The following BPGM variants were observed in gnomAD, a reference collection of about 807,000 sequenced individuals.
BPGM encodes the protein 2,3-bisphosphoglycerate mutase, erythrocyte.
Under a neutral mutation model 21.6 loss-of-function variants are expected in BPGM, and 15 were observed. The ratio of observed to expected loss-of-function variants is 0.70; its 90% CI spans 0.47 to 1.07. The LOEUF is 1.07. BPGM is among the 50% of genes least tolerant of loss of function. The probability of loss-of-function intolerance (pLI) is 0.00; values close to 1 mark genes in which losing one functional copy is unlikely to be tolerated. For synonymous variants in BPGM, 113 were observed against 116.2 expected (o/e 0.97, Z 0.18); for missense variants, 273 against 319.0 (o/e 0.86, Z 1.10).
chr7:134,679,099 ACT>A lies in BPGM; in HGVS notation c.*77_*78del, dbSNP rs762888396. The A allele has an allele frequency of 1.2e-5, 19 of 1,545,888 alleles. No homozygotes were observed. The East Asian group carries it at 1.6e-4, about 13-fold the overall frequency. The stretch of plus-strand genomic sequence containing the variant: ...CATAGGAGTGTGTTATGGGTGCTGA[ACT>A]CTCTCTCTTTTTCCCCGATTTTCCA... On this transcript the variant is annotated 3_prime_UTR_variant, in exon 3 of 3. Transcript: ENST00000344924.
At chr7:134,672,072 T>C (rs1465790712) in intron 2 of BPGM, among the ~76,000 whole-genome samples, 2 of 152,174 alleles carry the variant, frequency 1.3e-5, no homozygotes, top group East Asian at 3.9e-4. Flanking sequence ...AAGTTATTCC[T>C]CTATGCAGAA....
chr7:134,673,276 G>A (rs1247560883), intron 2 of BPGM, among the ~76,000 whole-genome samples: 2 of 152,194 alleles, frequency 1.3e-5, no homozygotes, highest in Non-Finnish European at 2.9e-5. Context: ...ATATTTGTAA[G>A]TAATTAGTCT....
intron 2 of BPGM, among the ~76,000 whole-genome samples, chr7:134,671,505 G>C (rs1320269213): frequency 1.3e-5 from 2 of 151,864 alleles, no homozygotes; most frequent in Admixed American, 1.3e-4. Context: ...GGGACTACAG[G>C]TACCCGCCAC....
chr7:134,677,420 A>G (rs898042272), intron 2 of BPGM, among the ~76,000 whole-genome samples: 2 of 152,084 alleles, frequency 1.3e-5, no homozygotes, highest in Admixed American at 1.3e-4. Context: ...TCCATTTTTC[A>G]TAGTTGTTTG....
chr7:134,661,920 A>G lies in BPGM; in HGVS notation c.413A>G (p.Asn138Ser), dbSNP rs1440262590. 1 of 1,612,586 alleles carries G rather than the reference A, an allele frequency of 6.2e-7. No homozygotes were observed. Among genetic ancestry groups the G allele is most frequent in the Admixed American group, 1.7e-5 (1 of 59,952 alleles). ...CATCCTTACTACCAAGAAATCTACA[A>G]CGACCGGAGGTATAAAGTATGCGAT... Reference protein sequence around the residue: ...ESHPYYQEIYNDRRYKVCDVP... With the variant: ...ESHPYYQEIYSDRRYKVCDVP... The change falls in exon 2 of 3, where the codon AAC (asparagine) becomes AGC (serine). Residue 138 changes from asparagine to serine, a missense_variant. By Grantham distance (46) the Asn-to-Ser change is conservative (BLOSUM62 1). Transcript: ENST00000344924. This position sits in a 1 kb window ranked among gnomAD's most constrained non-coding sequence, Gnocchi z 4.6.
At chr7:134,664,630 T>C (rs1390496787) in intron 2 of BPGM, among the ~76,000 whole-genome samples, 1 of 152,152 alleles carries the variant, frequency 6.6e-6, no homozygotes, top group Non-Finnish European at 1.5e-5. Context: ...AAAGCACATG[T>C]CCACACAACA....
chr7:134,666,237 A>G (rs1013099209), intron 2 of BPGM, among the ~76,000 whole-genome samples: 1 of 152,154 alleles, frequency 6.6e-6, no homozygotes, highest in African/African-American at 2.4e-5. Flanking sequence ...TACCATAAAC[A>G]GGCTTTATAG....
intron 1 of BPGM, among the ~76,000 whole-genome samples, chr7:134,659,378 TG>T (rs1795693431): frequency 1.0e-5 from 1 of 98,976 alleles, no homozygotes; most frequent in Non-Finnish European, 2.0e-5. Flanking sequence ...CCTCCGTGTG[TG>T]TGTGTGTGTG....
At position 134,661,694 on chromosome 7, in the gene BPGM, T is replaced by C; in HGVS notation, c.187T>C (p.Ser63Pro). ...DLVFTSVLNR[S>P]IHTAWLILEE... ...TGTATTCACATCTGTCCTTAATCGG[T>C]CCATTCACACAGCCTGGCTGATCCT... Residue 63 changes from serine (S) to proline (P), a missense_variant, in exon 2 of 3, where the codon TCC (serine) becomes CCC (proline). Coordinates refer to ENST00000344924, the MANE Select transcript of BPGM (RefSeq NM_001724.5). This position sits in a 1 kb window ranked among gnomAD's most constrained non-coding sequence, Gnocchi z 4.6. 2 of 1,614,110 alleles carry C rather than the reference T, an allele frequency of 1.2e-6. No individual in the cohort carries two copies. Among genetic ancestry groups the C allele is most frequent in the Non-Finnish European group, 1.7e-6 (2 of 1,180,024 alleles).
In BPGM at chr7:134,646,939, T is replaced by C; in HGVS notation, c.-62+2T>C. ...CTGCTGCTGGTGGCCCCTTTGCAGGTGAGTGGCTTTGTTTTAGAAAATGTT... is the reference window on the plus strand; with the variant it reads ...CTGCTGCTGGTGGCCCCTTTGCAGGCGAGTGGCTTTGTTTTAGAAAATGTT... On this transcript the variant is annotated splice_donor_variant, in intron 1 of 2. Transcript: ENST00000344924. LOFTEE classifies it low-confidence loss of function (5UTR_SPLICE). 1 of 178,930 alleles carries C rather than the reference T, an allele frequency of 5.6e-6. No homozygotes were observed. The highest frequency in any genetic ancestry group is 1.2e-5 in the Non-Finnish European group (1 of 82,416). The allele number at this position is 178,930 out of a possible 1,614,324, so 11.1% of individuals were successfully genotyped here.
In BPGM at chr7:134,648,131, G is replaced by GCT. The variant is rs139722217; in HGVS notation, c.-62+1194_-62+1195insCT. 1.0e-3 allele frequency among the ~76,000 whole-genome samples: 147 copies of GCT among 145,294 alleles called. 1 individual carries two copies. Among genetic ancestry groups the GCT allele is most frequent in the African/African-American group, 2.3e-3 (90 of 38,822 alleles). ...TTTCTTTCTTTCTTTCTTTTGTTTT[G>GCT]GTTTTTTTTTTGTTTTGTTTTCAGA... On this transcript the variant is annotated intron_variant, in intron 1 of 2. Coordinates refer to ENST00000344924, the MANE Select transcript of BPGM (RefSeq NM_001724.5).
intron 1 of BPGM, among the ~76,000 whole-genome samples, chr7:134,659,330 A>T (rs891997978): frequency 2.6e-5 from 4 of 151,306 alleles, no homozygotes; most frequent in Non-Finnish European, 4.4e-5. Context: ...CACTGCAAAA[A>T]TATCTTCCAT....
chr7:134,659,952 A>G (rs1188433285), intron 1 of BPGM, among the ~76,000 whole-genome samples: 1 of 152,316 alleles, frequency 6.6e-6, no homozygotes. Flanking sequence ...ATAAGTAACA[A>G]TATGTATACC....
chr7:134,652,967 T>C (rs946369065), intron 1 of BPGM, among the ~76,000 whole-genome samples: 2 of 152,196 alleles, frequency 1.3e-5, no homozygotes, highest in Non-Finnish European at 2.9e-5. Context: ...AGTATACTTA[T>C]TTGCTTTCTT....
At chr7:134,678,343 G>T in intron 2 of BPGM, among the ~76,000 whole-genome samples, 1 of 152,196 alleles carries the variant, frequency 6.6e-6, no homozygotes, top group East Asian at 1.9e-4. Context: ...AAGCATTCCT[G>T]TTGGACTGGA....
Position 134,653,356 on chromosome 7 carries a change from C to A in BPGM, c.-62+6419C>A, listed in dbSNP as rs186655526. 2.2e-3 allele frequency among the ~76,000 whole-genome samples: 336 copies of A among 152,280 alleles called. 2 individuals are homozygous for A. The highest frequency in any genetic ancestry group is 7.8e-3 in the African/African-American group (322 of 41,548). ...GTTTATCTCCTTCATCTCACTTAAA[C>A]GGCCATTGTCCTGGTCCAAGTCTTT... On this transcript the variant is annotated intron_variant, in intron 1 of 2. Coordinates refer to ENST00000344924, the MANE Select transcript of BPGM (RefSeq NM_001724.5).
At position 134,651,286 on chromosome 7, in the gene BPGM, G is replaced by A. The variant is rs547203238; in HGVS notation, c.-62+4349G>A. The stretch of plus-strand genomic sequence containing the variant: ...ACGTTGGAAATACAAGAAAAACTAG[G>A]TTTTTAAGTTGGACTTTACCCTGTA... On this transcript the variant is annotated intron_variant, in intron 1 of 2. Transcript: ENST00000344924. Among the ~76,000 whole-genome samples, 112 of 152,228 alleles carry A rather than the reference G, an allele frequency of 7.4e-4. 2 individuals are homozygous for A. The South Asian group carries it at 0.021, about 29-fold the overall frequency.
chr7:134,654,927 A>G (rs1435162123), intron 1 of BPGM, among the ~76,000 whole-genome samples: 3 of 152,190 alleles, frequency 2.0e-5, no homozygotes, highest in Non-Finnish European at 4.4e-5. Context: ...GGGAGGGAGG[A>G]TAAGATACAC....
chr7:134,661,968 G>T lies in BPGM; in HGVS notation c.461G>T (p.Arg154Leu), dbSNP rs1206399907. 2 of 1,613,970 alleles carry T rather than the reference G, an allele frequency of 1.2e-6. No homozygotes were observed. The highest frequency in any genetic ancestry group is 1.7e-6 in the Non-Finnish European group (2 of 1,180,026). ...VCDVPLDQLP[R>L]SESLKDVLER... ...GATGTGCCCTTGGATCAACTGCCACGGTCGGAAAGCTTAAAGGATGTTCTG... is the reference window on the plus strand; with the variant it reads ...GATGTGCCCTTGGATCAACTGCCACTGTCGGAAAGCTTAAAGGATGTTCTG... The change falls in exon 2 of 3, where the codon CGG becomes CTG. Residue 154 changes from arginine (R) to leucine (L), a missense_variant. Transcript: ENST00000344924. This position sits in a 1 kb window ranked among gnomAD's most constrained non-coding sequence, Gnocchi z 4.6.
Sources: allele counts gnomAD v4.1 joint callset (sites outside exome capture counted in the v4.1 genomes callset), GRCh38; gene constraint gnomAD v4.1.1; non-coding constraint Gnocchi (gnomAD v3.1); transcripts MANE v1.5; gene names NCBI Gene and HGNC (gene_info 2026-07-23, HGNC 2026-07-21).